The following ZFPM2 variants were observed in gnomAD, a reference collection of about 807,000 sequenced individuals.
ZFPM2 encodes zinc finger protein, FOG family member 2, also known as zinc finger protein ZFPM2.
ZFPM2 carries 20 observed loss-of-function variants against 98.6 expected under a neutral mutation model. The ratio of observed to expected loss-of-function variants is 0.20; its 90% CI spans 0.14 to 0.29. ZFPM2 has a LOEUF of 0.29. ZFPM2 is among the 10% of genes least tolerant of loss of function. The pLI is 1.00. For missense variants in ZFPM2, 1,310 were observed against 1,388.6 expected, an observed-to-expected ratio of 0.94 and a Z score of 0.90; for synonymous variants, 518 against 502.7, an observed-to-expected ratio of 1.03 and a Z score of -0.41.
chr8:105,338,183 A>G (rs1812361861), intron 1 of ZFPM2, among the ~76,000 whole-genome samples: 1 of 151,752 alleles, frequency 6.6e-6, no homozygotes, highest in Admixed American at 6.6e-5. Flanking sequence ...GTCCACCTTT[A>G]TTTTTCACTA....
intron 5 of ZFPM2, among the ~76,000 whole-genome samples, chr8:105,671,176 A>G (rs1480638340): frequency 1.3e-5 from 2 of 152,018 alleles, no homozygotes; most frequent in Admixed American, 6.6e-5. Flanking sequence ...ATTTTGCCAT[A>G]CAATATTGTA....
At chr8:105,689,485 A>G (rs1810824776) in intron 5 of ZFPM2, among the ~76,000 whole-genome samples, 1 of 152,196 alleles carries the variant, frequency 6.6e-6, no homozygotes, top group Non-Finnish European at 1.5e-5. Flanking sequence ...AATGCTATTC[A>G]GATTTTTTTT....
intron 3 of ZFPM2, among the ~76,000 whole-genome samples, chr8:105,548,858 T>A (rs1180082018): frequency 1.3e-5 from 2 of 152,298 alleles, no homozygotes; most frequent in East Asian, 3.9e-4. Flanking sequence ...CACATTAGAT[T>A]CATTTTACAT....
chr8:105,623,916 T>C (rs1160058934), intron 4 of ZFPM2, among the ~76,000 whole-genome samples: 1 of 152,208 alleles, frequency 6.6e-6, no homozygotes, highest in African/African-American at 2.4e-5. Flanking sequence ...TATTTAGCAA[T>C]TGGCCAATGC....
At position 105,648,686 on chromosome 8, in the gene ZFPM2, G is replaced by A. The variant is rs1057240641; in HGVS notation, c.532+14329G>A. ...CAGGTTTGTCAAAGATCAGATGGTTGTAGATGTGTGGTATTATTTCTGAGG... is the reference window on the plus strand; with the variant it reads ...CAGGTTTGTCAAAGATCAGATGGTTATAGATGTGTGGTATTATTTCTGAGG... On this transcript the variant is annotated intron_variant, in intron 5 of 7. Coordinates refer to ENST00000407775, the MANE Select transcript of ZFPM2 (RefSeq NM_012082.4). Among the ~76,000 whole-genome samples, 181 of 152,276 alleles carry A rather than the reference G, an allele frequency of 1.2e-3. 1 individual carries two copies. Among genetic ancestry groups the A allele is most frequent in the African/African-American group, 4.1e-3 (169 of 41,546 alleles).
intron 5 of ZFPM2, 130 bp downstream of exon 5, chr8:105,634,487 C>T: frequency 5.5e-6 from 4 of 722,614 alleles, no homozygotes; most frequent in Non-Finnish European, 9.3e-6. Flanking sequence ...CATTTGAGTT[C>T]CTCTAATGTG....
intron 4 of ZFPM2, among the ~76,000 whole-genome samples, chr8:105,590,587 C>G (rs971935549): frequency 1.3e-5 from 2 of 152,070 alleles, no homozygotes; most frequent in African/African-American, 4.8e-5. Context: ...TTATTTAATT[C>G]GAAGAAGAGA....
intron 5 of ZFPM2, among the ~76,000 whole-genome samples, chr8:105,689,469 A>T (rs924310798): frequency 6.6e-6 from 1 of 152,214 alleles, no homozygotes; most frequent in Non-Finnish European, 1.5e-5. Context: ...ATACACAGAC[A>T]AACCAAATGC....
chr8:105,661,404 CG>C (rs1343866721), intron 5 of ZFPM2, among the ~76,000 whole-genome samples: 1 of 152,024 alleles, frequency 6.6e-6, no homozygotes, highest in East Asian at 1.9e-4. Flanking sequence ...AAAATTTCTG[CG>C]AATATAGGTC....
rs759500417 is a variant in ZFPM2, at chr8:105,802,116, G to A, written c.2034G>A (p.Val678=). The A allele has an allele frequency of 1.4e-5, 23 of 1,613,734 alleles. No individual in the cohort carries two copies. The highest frequency in any genetic ancestry group is 1.9e-5 in the Non-Finnish European group (22 of 1,179,868). The change falls in exon 8 of 8, where the codon GTG becomes GTA. Residue 678 remains valine, a synonymous_variant. Transcript: ENST00000407775. ...VDVKNPSVPL[V]DGESDPNKTT... ...TGAAAAATCCCAGTGTCCCCTTAGT[G>A]GATGGGGAAAGTGACCCAAATAAGA...
chr8:105,800,099 G>GA (rs568290559), intron 7 of ZFPM2, among the ~76,000 whole-genome samples: 15 of 149,628 alleles, frequency 1.0e-4, no homozygotes, highest in East Asian at 3.9e-4. Context: ...AAGCTAAATG[G>GA]AAAAAAAAAT....
chr8:105,392,321 A>T (rs1447969385), intron 1 of ZFPM2, among the ~76,000 whole-genome samples: 2 of 152,210 alleles, frequency 1.3e-5, no homozygotes, highest in Admixed American at 1.3e-4. Context: ...TTATCTATTC[A>T]TTTAAAACTT....
intron 4 of ZFPM2, among the ~76,000 whole-genome samples, chr8:105,602,356 A>C (rs1816110373): frequency 6.6e-6 from 1 of 152,076 alleles, no homozygotes; most frequent in African/African-American, 2.4e-5. Flanking sequence ...GATTTTAGTC[A>C]ATATAAATAT....
intron 2 of ZFPM2, among the ~76,000 whole-genome samples, chr8:105,421,924 A>G (rs1169766339): frequency 3.5e-4 from 52 of 150,188 alleles, no homozygotes; most frequent in East Asian, 2.0e-4. Context: ...GTGGGTGCCT[A>G]TAATCCCAGT....
At chr8:105,671,560 T>C (rs1036165567) in intron 5 of ZFPM2, among the ~76,000 whole-genome samples, 2 of 152,098 alleles carry the variant, frequency 1.3e-5, no homozygotes, top group Non-Finnish European at 1.5e-5. Flanking sequence ...CTTTTGAAGG[T>C]TGTCAAATTC....
chr8:105,732,369 G>A (rs1811960187), intron 5 of ZFPM2, among the ~76,000 whole-genome samples: 1 of 151,832 alleles, frequency 6.6e-6, no homozygotes, highest in Non-Finnish European at 1.5e-5. Context: ...ATGCCATTTA[G>A]AGATGCAGGT....
At position 105,634,310 on chromosome 8, in the gene ZFPM2, G is replaced by T. The variant is rs774234253; in HGVS notation, c.485G>T (p.Trp162Leu). ...CCCAAGTGGTTGCTGGATGTGACTT[G>T]GCAAGGAGTGGAAGACAACAAAAAC... ...AGPKWLLDVT[W>L]QGVEDNKNNC... The change falls in exon 5 of 8, where the codon TGG (tryptophan) becomes TTG (leucine). Residue 162 changes from tryptophan (W) to leucine (L), a missense_variant. Physicochemically the swap from Trp to Leu is moderately conservative, Grantham distance 61. Transcript: ENST00000407775. 1.2e-6 allele frequency: 2 copies of T among 1,613,032 alleles called. No homozygotes were observed. Among genetic ancestry groups the T allele is most frequent in the Non-Finnish European group, 1.7e-6 (2 of 1,179,474 alleles).
chr8:105,488,552 G>A (rs182570576), intron 3 of ZFPM2, among the ~76,000 whole-genome samples: 1 of 152,172 alleles, frequency 6.6e-6, no homozygotes, highest in East Asian at 1.9e-4. Context: ...ACAAGGTCAG[G>A]AGTTCAAGAC....
At chr8:105,729,868 C>T (rs573235977) in intron 5 of ZFPM2, among the ~76,000 whole-genome samples, 1 of 151,166 alleles carries the variant, frequency 6.6e-6, no homozygotes, top group South Asian at 2.1e-4. Context: ...TGCATACTCT[C>T]TCTATTAAAT....
Sources: gnomAD v4.1 joint callset for allele counts (sites outside exome capture counted in the v4.1 genomes callset) on GRCh38, gnomAD v4.1.1 for gene constraint, MANE v1.5 for transcripts, NCBI Gene and HGNC (gene_info 2026-07-23, HGNC 2026-07-21) for gene names.